Variants in GRAMD2A observed in about 807,000 individuals in gnomAD.
GRAMD2A encodes GRAM domain containing 2A, also known as GRAM domain-containing protein 2A.
In GRAMD2A, 37 loss-of-function variants were observed where a neutral mutation model predicts 51.1. That is an observed-to-expected ratio of 0.72 (90% CI 0.56 to 0.95). GRAMD2A has a LOEUF of 0.95. Among genes scored for constraint, GRAMD2A ranks in the 40% least tolerant of loss-of-function variants. The pLI is 0.00. For missense variants in GRAMD2A, 414 were observed against 426.9 expected, an observed-to-expected ratio of 0.97 and a Z score of 0.27; for synonymous variants, 136 against 157.1, an observed-to-expected ratio of 0.87 and a Z score of 1.01.
At chr15:72,196,073 C>T (rs982989877) in intron 1 of GRAMD2A, among the ~76,000 whole-genome samples, 39 of 152,296 alleles carry the variant, frequency 2.6e-4, no homozygotes, top group African/African-American at 8.7e-4. Flanking sequence ...CCTGGAAGCT[C>T]GATGGGGCCT....
At chr15:72,182,289 C>T (rs1426257451) in intron 1 of GRAMD2A, among the ~76,000 whole-genome samples, 9 of 140,218 alleles carry the variant, frequency 6.4e-5, no homozygotes, top group Non-Finnish European at 1.2e-4. Context: ...TGTTTGAGCC[C>T]GGGAGGTGGA....
rs377483699 is a variant in GRAMD2A at position 72,179,749 on chromosome 15, G to A, written c.42-9810C>T. 8.0e-4 allele frequency among the ~76,000 whole-genome samples: 122 copies of A among 152,286 alleles called. 1 individual carries two copies. Among genetic ancestry groups the A allele is most frequent in the Middle Eastern group, 3.4e-3 (1 of 294 alleles). On this transcript the variant is annotated intron_variant, in intron 1 of 11. Coordinates refer to ENST00000309731, the MANE Select transcript of GRAMD2A (RefSeq NM_001012642.3). ...CCTGCCCATTGAGCAGGACGTCCCC[G>A]ACTAGCACTGGTGAGCGCTGTGTTA...
chr15:72,176,360 G>T (rs1248165544), intron 1 of GRAMD2A, among the ~76,000 whole-genome samples: 1 of 152,220 alleles, frequency 6.6e-6, no homozygotes, highest in African/African-American at 2.4e-5. Flanking sequence ...GCTGGGGTGG[G>T]GTGGTCCCCT....
In GRAMD2A at chr15:72,165,424, G is replaced by A. The variant is rs376691186; in HGVS notation, c.544-14C>T. On this transcript the variant is annotated splice_polypyrimidine_tract_variant and intron_variant, in intron 7 of 11. Coordinates refer to ENST00000309731, the MANE Select transcript of GRAMD2A (RefSeq NM_001012642.3). The stretch of plus-strand genomic sequence containing the variant: ...CTTGCTGGAAGGCTGAGGAGGAAAG[G>A]GAACAGCAGTCACTTGTCCATCTGG... The A allele has an allele frequency of 1.9e-6, 3 of 1,613,658 alleles. No individual in the cohort carries two copies. Among genetic ancestry groups the A allele is most frequent in the Middle Eastern group, 1.6e-4 (1 of 6,082 alleles).
chr15:72,186,714 A>G (rs1363464760), intron 1 of GRAMD2A, among the ~76,000 whole-genome samples: 1 of 152,242 alleles, frequency 6.6e-6, no homozygotes, highest in Non-Finnish European at 1.5e-5. Context: ...TATGATTAAC[A>G]ATTATGGGGA....
intron 11 of GRAMD2A, 114 bp downstream of exon 11, chr15:72,162,159 G>A (rs751243961): frequency 1.4e-5 from 19 of 1,347,766 alleles, no homozygotes; most frequent in Non-Finnish European, 1.7e-5. Flanking sequence ...CTTGCTTAGG[G>A]TCAGAAGCCA....
chr15:72,171,376 C>T (rs777406528), intron 1 of GRAMD2A, among the ~76,000 whole-genome samples: 4 of 151,698 alleles, frequency 2.6e-5, no homozygotes, highest in Non-Finnish European at 5.9e-5. Context: ...AAAAATCACC[C>T]AAATAAAAAA....
intron 4 of GRAMD2A, among the ~76,000 whole-genome samples, chr15:72,168,279 G>A (rs376789702): frequency 4.4e-4 from 67 of 152,318 alleles, no homozygotes; most frequent in East Asian, 3.1e-3. Context: ...AAGCCCTGAC[G>A]TTTCCCCAAG....
chr15:72,178,427 G>T (rs573663923), intron 1 of GRAMD2A, among the ~76,000 whole-genome samples: 44 of 152,094 alleles, frequency 2.9e-4, no homozygotes, highest in Admixed American at 3.9e-4. Flanking sequence ...TCAGAAACTG[G>T]GTGACAAGAC....
At chr15:72,163,802 C>A in intron 8 of GRAMD2A, 45 bp from the exon 9 acceptor site, 1 of 1,587,746 alleles carries the variant, frequency 6.3e-7, no homozygotes, top group Non-Finnish European at 8.5e-7. Flanking sequence ...CCCTTGCGAT[C>A]TCACTTGCCC....
intron 1 of GRAMD2A, among the ~76,000 whole-genome samples, chr15:72,194,840 A>C (rs951877069): frequency 2.6e-5 from 4 of 151,912 alleles, no homozygotes; most frequent in African/African-American, 9.7e-5. Context: ...GGCACACACC[A>C]CCACACCTAA....
chr15:72,190,172 C>T lies in GRAMD2A; in HGVS notation c.41+7559G>A, dbSNP rs184947748. Among the ~76,000 whole-genome samples, 379 of 151,918 alleles carry T rather than the reference C, an allele frequency of 2.5e-3. 3 individuals are homozygous for T. Among genetic ancestry groups the T allele is most frequent in the Admixed American group, 6.7e-3 (103 of 15,260 alleles). ...CGGGAGGATCACAAGGTCAGGAGAT[C>T]GAGACCATCCTGGCTAACATGGTGA... On this transcript the variant is annotated intron_variant, in intron 1 of 11. Coordinates refer to ENST00000309731, the MANE Select transcript of GRAMD2A (RefSeq NM_001012642.3).
At chr15:72,183,875 G>T (rs1029270570) in intron 1 of GRAMD2A, among the ~76,000 whole-genome samples, 1 of 152,132 alleles carries the variant, frequency 6.6e-6, no homozygotes, top group African/African-American at 2.4e-5. Context: ...TGCAGTAGTG[G>T]GGTCTGCTCC....
chr15:72,170,675 C>G lies in GRAMD2A; in HGVS notation c.42-736G>C, dbSNP rs2081601961. On this transcript the variant is annotated intron_variant, in intron 1 of 11. Transcript: ENST00000309731. This position sits in a 1 kb window ranked among gnomAD's most constrained non-coding sequence, Gnocchi z 4.5. ...ACTAATCGCTCCAAAGAATCATTAC[C>G]CTGTTCCTGCTCCTCCAGGCTACAC... Among the ~76,000 whole-genome samples, 1 of 152,146 alleles carries G rather than the reference C, an allele frequency of 6.6e-6. No homozygotes were observed. The highest frequency in any genetic ancestry group is 1.5e-5 in the Non-Finnish European group (1 of 68,030).
At chr15:72,177,843 T>A (rs1315415592) in intron 1 of GRAMD2A, among the ~76,000 whole-genome samples, 1 of 152,218 alleles carries the variant, frequency 6.6e-6, no homozygotes, top group Non-Finnish European at 1.5e-5. Flanking sequence ...TTCTCATGTA[T>A]CAGCCCCCTG....
At chr15:72,195,677 TGA>T (rs1257950098) in intron 1 of GRAMD2A, among the ~76,000 whole-genome samples, 2 of 152,052 alleles carry the variant, frequency 1.3e-5, no homozygotes, top group African/African-American at 4.8e-5. Flanking sequence ...CCCAGCACTT[TGA>T]GAGGCTGAGG....
intron 1 of GRAMD2A, among the ~76,000 whole-genome samples, chr15:72,190,934 G>A (rs1401405935): frequency 6.6e-6 from 1 of 152,160 alleles, no homozygotes; most frequent in African/African-American, 2.4e-5. Context: ...AACTAAAGAA[G>A]TCATTGAAGC....
chr15:72,194,172 T>C (rs1306783294), intron 1 of GRAMD2A, among the ~76,000 whole-genome samples: 2 of 152,230 alleles, frequency 1.3e-5, no homozygotes, highest in African/African-American at 4.8e-5. Flanking sequence ...CACACTTGCA[T>C]CAGAGATGGC....
rs999726559 is a variant in GRAMD2A, at chr15:72,162,291, T to C, written c.1043A>G (p.Asp348Gly). The C allele has an allele frequency of 1.3e-5, 21 of 1,613,152 alleles. No individual in the cohort carries two copies. The highest frequency in any genetic ancestry group is 1.8e-5 in the Non-Finnish European group (21 of 1,179,292). ...GCCTCACCTGTGCCCAGGGACTGGG[T>C]CATCCCAACTCAAGGAGCATAACTG... Reference protein sequence around the residue: ...EQQLCSLSWDDPVPGHR With the variant: ...EQQLCSLSWDGPVPGHR The change falls in exon 11 of 12, where the codon GAC becomes GGC. Residue 348 changes from aspartate to glycine, a missense_variant. Transcript: ENST00000309731.
Sources: gnomAD v4.1 joint callset for allele counts (sites outside exome capture counted in the v4.1 genomes callset) on GRCh38, gnomAD v4.1.1 for gene constraint, Gnocchi (gnomAD v3.1) non-coding constraint, MANE v1.5 for transcripts, NCBI Gene and HGNC (gene_info 2026-07-23, HGNC 2026-07-21) for gene names.